The following GEMIN2 variants were observed in gnomAD, a reference collection of about 807,000 sequenced individuals.
GEMIN2 encodes gem-associated protein 2.
A neutral mutation model predicts 45.8 loss-of-function variants in GEMIN2; 37 were observed. That is an observed-to-expected ratio of 0.81 (90% CI 0.62 to 1.06). GEMIN2 has a LOEUF of 1.06. Ranked by LOEUF, GEMIN2 falls within the 50% of genes least tolerant of loss-of-function variation. The pLI is 0.00. For synonymous variants in GEMIN2, 101 were observed against 111.5 expected, an observed-to-expected ratio of 0.91 and a Z score of 0.60; for missense variants, 335 against 321.8, an observed-to-expected ratio of 1.04 and a Z score of -0.31.
intron 7 of GEMIN2, 127 bp downstream of exon 7, chr14:39,128,475 T>G: frequency 2.1e-6 from 1 of 465,118 alleles, no homozygotes; most frequent in Non-Finnish European, 3.7e-6. Flanking sequence ...ACATTTTCTT[T>G]TTTTCTTTTC....
intron 8 of GEMIN2, among the ~76,000 whole-genome samples, 188 bp downstream of exon 8, chr14:39,132,256 C>T (rs961815791): frequency 2.0e-5 from 3 of 152,062 alleles, no homozygotes; most frequent in Non-Finnish European, 2.9e-5. Flanking sequence ...CTGAGCCGGG[C>T]GTGGTGGCTC....
chr14:39,116,193 A>C (rs937216946), intron 2 of GEMIN2, among the ~76,000 whole-genome samples: 2 of 151,552 alleles, frequency 1.3e-5, no homozygotes, highest in African/African-American at 4.8e-5. Context: ...GTGCCACCAC[A>C]CCTGACTAAT....
At chr14:39,125,058 T>G (rs780051511) in intron 6 of GEMIN2, 22 bp downstream of exon 6, 2 of 1,125,040 alleles carry the variant, frequency 1.8e-6, no homozygotes, top group Non-Finnish European at 2.7e-6. Context: ...AATAGAGATA[T>G]ATGCATTCTT....
In GEMIN2 at chr14:39,128,067, C is replaced by CAAAAAAAA. The variant is rs1212260025; in HGVS notation, c.532-194_532-187dup. 9.5e-4 allele frequency among the ~76,000 whole-genome samples: 10 copies of CAAAAAAAA among 10,564 alleles called. 5 individuals are homozygous for CAAAAAAAA. Among genetic ancestry groups the CAAAAAAAA allele is most frequent in the Non-Finnish European group, 6.5e-4 (2 of 3,086 alleles). The allele number at this position is 10,564 out of a possible 152,430, so 6.9% of individuals were successfully genotyped here. A position where few individuals can be genotyped will look rare whatever the true frequency, so the allele number is the denominator to read the frequency against. On this transcript the variant is annotated intron_variant, in intron 6 of 9. Coordinates refer to ENST00000308317, the MANE Select transcript of GEMIN2 (RefSeq NM_003616.3). ...TGGGCAACAGAGTGAGACTCTATCT[C>CAAAAAAAA]AAAAAAAAAAAAAAAAAAAAAAAAA...
At chr14:39,129,166 A>G (rs1295642078) in intron 7 of GEMIN2, among the ~76,000 whole-genome samples, 1 of 152,148 alleles carries the variant, frequency 6.6e-6, no homozygotes, top group Non-Finnish European at 1.5e-5. Context: ...AATGTTTACC[A>G]TTATGTTACA....
chr14:39,117,848 A>G, intron 2 of GEMIN2, 151 bp from the exon 3 acceptor site: 6 of 469,066 alleles, frequency 1.3e-5, no homozygotes, highest in Middle Eastern at 5.6e-4. Context: ...TGAAATGCCT[A>G]CTTTTTTACA....
At chr14:39,132,457 G>A (rs950754628) in intron 8 of GEMIN2, among the ~76,000 whole-genome samples, 34 of 152,024 alleles carry the variant, frequency 2.2e-4, no homozygotes, top group African/African-American at 7.5e-4. Flanking sequence ...TTCGAACCCA[G>A]GAGGCGGAGG....
rs1223689459 is a variant in GEMIN2, at chr14:39,118,013, A to G, written c.237A>G (p.Gln79=). 1.7e-5 allele frequency: 27 copies of G among 1,600,842 alleles called. No individual in the cohort carries two copies. In the East Asian group the frequency reaches 2.7e-4, roughly 16 times the overall value. ...QSVNISLSGC[Q]PAPEGYSPTL... ...TTGATCTCTAGCTTTCAGGATGCCA[A>G]CCCGCCCCTGAAGGTTATTCCCCAA... The change falls in exon 3 of 10, where the codon CAA becomes CAG. Residue 79 remains glutamine (Q), a synonymous_variant. Coordinates refer to ENST00000308317, the MANE Select transcript of GEMIN2 (RefSeq NM_003616.3).
chr14:39,133,678 G>C lies in GEMIN2; in HGVS notation c.729G>C (p.Glu243Asp). The C allele has an allele frequency of 1.3e-6, 2 of 1,510,894 alleles. No individual in the cohort carries two copies. Among genetic ancestry groups the C allele is most frequent in the Non-Finnish European group, 1.8e-6 (2 of 1,113,118 alleles). The allele number at this position is 1,510,894 out of a possible 1,614,324, so 93.6% of individuals were successfully genotyped here. Residue 243 changes from glutamate (E) to aspartate (D), a missense_variant, in exon 9 of 10, where the codon GAG becomes GAC. Glu to Asp is a conservative substitution (Grantham distance 45). Coordinates refer to ENST00000308317, the MANE Select transcript of GEMIN2 (RefSeq NM_003616.3). ...VRLLVDSKDD[E>D]RVPALNLLIC... ...TTTTTTAGGATAGCAAAGATGATGAGAGGGTTCCTGCTTTGAATTTATTAA... is the reference window on the plus strand; with the variant it reads ...TTTTTTAGGATAGCAAAGATGATGACAGGGTTCCTGCTTTGAATTTATTAA...
At chr14:39,122,858 C>G (rs967133319) in intron 5 of GEMIN2, among the ~76,000 whole-genome samples, 1 of 152,060 alleles carries the variant, frequency 6.6e-6, no homozygotes, top group Admixed American at 6.6e-5. Flanking sequence ...TTTACTGTGA[C>G]TTTTTTTAGT....
rs529066237 is a variant in GEMIN2, at chr14:39,136,329, T to G, written c.771-111T>G. ...ACTATGTAGACATACTATAGCTTAT[T>G]TAACCAGTTTCTTATTGATGGACGT... On this transcript the variant is annotated intron_variant, in intron 9 of 9. Coordinates refer to ENST00000308317, the MANE Select transcript of GEMIN2 (RefSeq NM_003616.3). 224 of 662,086 alleles carry G rather than the reference T, an allele frequency of 3.4e-4. 2 individuals carry two copies. The South Asian group carries it at 4.0e-3, about 12-fold the overall frequency. 41.0% of individuals were successfully genotyped at this position (662,086 alleles called of 1,614,324 possible).
At chr14:39,133,900 C>A in intron 9 of GEMIN2, 181 bp downstream of exon 9, 1 of 393,762 alleles carries the variant, frequency 2.5e-6, no homozygotes, top group Non-Finnish European at 4.6e-6. Flanking sequence ...CTCCAGCAAT[C>A]CTCCCACCTC....
chr14:39,134,533 ATATACT>A (rs2052759949), intron 9 of GEMIN2, among the ~76,000 whole-genome samples: 1 of 152,214 alleles, frequency 6.6e-6, no homozygotes, highest in African/African-American at 2.4e-5. Context: ...AAGCTTTATA[ATATACT>A]TAAATATTGG....
chr14:39,129,098 G>A (rs999940113), intron 7 of GEMIN2, among the ~76,000 whole-genome samples: 4 of 152,166 alleles, frequency 2.6e-5, no homozygotes, highest in Non-Finnish European at 4.4e-5. Flanking sequence ...ACTCTAGCCT[G>A]AGTGACAGAG....
intron 2 of GEMIN2, among the ~76,000 whole-genome samples, chr14:39,115,517 T>G (rs1228698678): frequency 6.9e-6 from 1 of 145,598 alleles, no homozygotes; most frequent in Admixed American, 7.3e-5. Context: ...AGTGCAGTGG[T>G]GCGATCTCAG....
chr14:39,132,182 A>G (rs2052725882), intron 8 of GEMIN2, 114 bp downstream of exon 8: 1 of 666,796 alleles, frequency 1.5e-6, no homozygotes, highest in Admixed American at 2.5e-5. Flanking sequence ...TGGCAATTAG[A>G]TTTGTAAAGC....
chr14:39,115,733 G>A (rs2052496407), intron 2 of GEMIN2, among the ~76,000 whole-genome samples: 1 of 151,994 alleles, frequency 6.6e-6, no homozygotes, highest in South Asian at 2.1e-4. Flanking sequence ...GGGATTACAG[G>A]TGTGAGCCAC....
At chr14:39,136,357 G>A (rs2052781178) in intron 9 of GEMIN2, 83 bp from the exon 10 acceptor site, 4 of 742,890 alleles carry the variant, frequency 5.4e-6, no homozygotes, top group Non-Finnish European at 9.6e-6. Flanking sequence ...ATGGACGTTT[G>A]GGTTGCTTAT....
Position 39,136,534 on chromosome 14 carries a change from G to T in GEMIN2, c.*55G>T. 6.9e-7 allele frequency: 1 copy of T among 1,439,086 alleles called. No homozygotes were observed. The highest frequency in any genetic ancestry group is 9.7e-7 in the Non-Finnish European group (1 of 1,026,816). 89.1% of individuals were successfully genotyped at this position (1,439,086 alleles called of 1,614,324 possible). On this transcript the variant is annotated 3_prime_UTR_variant, in exon 10 of 10. Coordinates refer to ENST00000308317, the MANE Select transcript of GEMIN2 (RefSeq NM_003616.3). ...TTTCTCATGAAGGCAGCCTAACTCTGAGGAAAACAATGCCAATTCAAGTAC... is the reference window on the plus strand; with the variant it reads ...TTTCTCATGAAGGCAGCCTAACTCTTAGGAAAACAATGCCAATTCAAGTAC...
Sources: gnomAD v4.1 joint callset for allele counts (sites outside exome capture counted in the v4.1 genomes callset) on GRCh38, gnomAD v4.1.1 for gene constraint, MANE v1.5 for transcripts, NCBI Gene and HGNC (gene_info 2026-07-23, HGNC 2026-07-21) for gene names.